The following THADA variants were observed in gnomAD, a reference collection of about 807,000 sequenced individuals.
THADA encodes the protein tRNA (32-2'-O)-methyltransferase regulator THADA.
THADA carries 213 observed loss-of-function variants against 219.8 expected under a neutral mutation model. That is an observed-to-expected ratio of 0.97 (90% CI 0.87 to 1.09). The LOEUF is 1.09. THADA is among the 50% of genes least tolerant of loss of function. THADA has a pLI of 0.00. For synonymous variants in THADA, 1,018 were observed against 828.9 expected, an observed-to-expected ratio of 1.23 and a Z score of -3.92; for missense variants, 2,956 against 2,311.3, an observed-to-expected ratio of 1.28 and a Z score of -5.72.
chr2:43,286,229 A>G (rs1415647968), intron 35 of THADA, among the ~76,000 whole-genome samples: 2 of 152,118 alleles, frequency 1.3e-5, no homozygotes, highest in African/African-American at 4.8e-5. Context: ...CGTGTTAGGG[A>G]GTGGTGGATG....
chr2:43,533,141 C>G (rs919954808), intron 21 of THADA, among the ~76,000 whole-genome samples: 3 of 152,156 alleles, frequency 2.0e-5, no homozygotes, highest in South Asian at 2.1e-4. Context: ...ATGAAAAAAG[C>G]TCATCATCAC....
intron 16 of THADA, among the ~76,000 whole-genome samples, chr2:43,558,321 T>C (rs1697638158): frequency 6.6e-6 from 1 of 152,160 alleles, no homozygotes; most frequent in African/African-American, 2.4e-5. Flanking sequence ...AAATTAATTA[T>C]ATATTATATA....
rs377309328 is a variant in THADA at position 43,266,366 on chromosome 2, C to T, written c.5296+13399G>A. On this transcript the variant is annotated intron_variant, in intron 36 of 37. Coordinates refer to ENST00000405975, the MANE Select transcript of THADA (RefSeq NM_022065.5). ...CAGCACTTTGGGAGGCCGAGGCGGG[C>T]GGATCACAAGGTCAGGAGATCCAGA... Among the ~76,000 whole-genome samples the T allele has an allele frequency of 1.4e-4, 22 of 152,104 alleles. No homozygotes were observed. In the South Asian group the frequency reaches 1.9e-3, roughly 13 times the overall value.
chr2:43,231,245 G>C lies in THADA; in HGVS notation c.5565C>G (p.Leu1855=). The C allele has an allele frequency of 6.2e-7, 1 of 1,613,724 alleles. No homozygotes were observed. The highest frequency in any genetic ancestry group is 8.5e-7 in the Non-Finnish European group (1 of 1,179,766). Residue 1855 remains leucine, a synonymous_variant, in exon 38 of 38, where the codon CTC becomes CTG. Transcript: ENST00000405975. ...KYLCKHLFCL[L]SKSGWRPPSP... ...TTGGGGGACGCCAGCCGGACTTTGAGAGGAGACAGAAGAGGTGCTTGCAGA... is the reference window on the plus strand; with the variant it reads ...TTGGGGGACGCCAGCCGGACTTTGACAGGAGACAGAAGAGGTGCTTGCAGA...
intron 27 of THADA, among the ~76,000 whole-genome samples, chr2:43,429,532 T>C (rs1053463446): frequency 1.3e-5 from 2 of 152,086 alleles, no homozygotes; most frequent in Admixed American, 1.3e-4. Context: ...TGAACACAAG[T>C]GATCATATTA....
At chr2:43,493,373 T>C (rs895495786) in intron 25 of THADA, among the ~76,000 whole-genome samples, 7 of 152,070 alleles carry the variant, frequency 4.6e-5, no homozygotes, top group Non-Finnish European at 8.8e-5. Flanking sequence ...CATGCGCCTG[T>C]AGTCCCAGCT....
chr2:43,234,611 G>T (rs777153364), intron 36 of THADA, among the ~76,000 whole-genome samples: 83 of 152,160 alleles, frequency 5.5e-4, no homozygotes, highest in Non-Finnish European at 9.8e-4. Context: ...CTGAGAATCT[G>T]TATAGAGAAG....
At chr2:43,577,300 T>C (rs1559009908) in intron 9 of THADA, 58 bp from the exon 10 acceptor site, 1 of 1,371,984 alleles carries the variant, frequency 7.3e-7, no homozygotes, top group Non-Finnish European at 1.0e-6. Flanking sequence ...TCAGAGATAT[T>C]TCAAAATACA....
chr2:43,433,991 G>A (rs1409280584), intron 26 of THADA, among the ~76,000 whole-genome samples: 5 of 152,140 alleles, frequency 3.3e-5, no homozygotes, highest in African/African-American at 1.2e-4. Context: ...GCTCAGCCCT[G>A]AGAAGTAGAT....
intron 36 of THADA, among the ~76,000 whole-genome samples, chr2:43,236,635 T>C (rs769868835): frequency 2.0e-5 from 3 of 152,144 alleles, no homozygotes; most frequent in Non-Finnish European, 2.9e-5. Context: ...GGTGGAAGGA[T>C]CACTTGAGAC....
chr2:43,359,929 G>A (rs544103813), intron 29 of THADA, among the ~76,000 whole-genome samples: 1 of 151,544 alleles, frequency 6.6e-6, no homozygotes, highest in South Asian at 2.1e-4. Flanking sequence ...CAGCTCCAAC[G>A]GGCTTTTTTT....
At chr2:43,403,298 C>A (rs1455350432) in intron 28 of THADA, among the ~76,000 whole-genome samples, 1 of 152,162 alleles carries the variant, frequency 6.6e-6, no homozygotes, top group African/African-American at 2.4e-5. Context: ...CTTAGAGAAC[C>A]AATCAGTCTC....
At chr2:43,441,007 T>C (rs1680777271) in intron 26 of THADA, among the ~76,000 whole-genome samples, 1 of 152,222 alleles carries the variant, frequency 6.6e-6, no homozygotes, top group South Asian at 2.1e-4. Context: ...TTACTGAAAA[T>C]TAAACTTCAG....
At chr2:43,573,951 T>G (rs1193682649) in intron 11 of THADA, among the ~76,000 whole-genome samples, 1 of 152,230 alleles carries the variant, frequency 6.6e-6, no homozygotes, top group Non-Finnish European at 1.5e-5. Flanking sequence ...CCAAGTTACC[T>G]GTCTTTAACC....
intron 22 of THADA, among the ~76,000 whole-genome samples, chr2:43,523,910 C>T (rs1365574600): frequency 6.6e-6 from 1 of 151,890 alleles, no homozygotes; most frequent in Non-Finnish European, 1.5e-5. Flanking sequence ...TTGTATCTTA[C>T]GGTTGGACAA....
intron 36 of THADA, among the ~76,000 whole-genome samples, chr2:43,240,327 A>AATACATTCAGGTTTC (rs1228747260): frequency 2.0e-5 from 3 of 152,132 alleles, no homozygotes; most frequent in African/African-American, 7.2e-5. Flanking sequence ...TCTGAGCAAA[A>AATACATTCAGGTTTC]ATACATTCAG....
chr2:43,254,703 A>G (rs1423413873), intron 36 of THADA, among the ~76,000 whole-genome samples: 2 of 152,124 alleles, frequency 1.3e-5, no homozygotes, highest in Non-Finnish European at 2.9e-5. Context: ...CCAAGCAGCC[A>G]TTCTTCTCTA....
chr2:43,592,857 T>C (rs1201777284), intron 1 of THADA: 1 of 152,778 alleles, frequency 6.5e-6, no homozygotes, highest in Non-Finnish European at 1.5e-5. Flanking sequence ...AGTGACTCAT[T>C]AGACTAAGAG....
chr2:43,546,071 G>T (rs1695988880), intron 20 of THADA, among the ~76,000 whole-genome samples: 1 of 149,500 alleles, frequency 6.7e-6, no homozygotes, highest in South Asian at 2.2e-4. Flanking sequence ...CTGGTATGTT[G>T]TGTCTTTGTT....
Sources: allele counts gnomAD v4.1 joint callset (sites outside exome capture counted in the v4.1 genomes callset), GRCh38; gene constraint gnomAD v4.1.1; transcripts MANE v1.5; gene names NCBI Gene and HGNC (gene_info 2026-07-23, HGNC 2026-07-21).